The following CAMK2D variants were observed in gnomAD, a reference collection of about 807,000 sequenced individuals.
The protein encoded by CAMK2D is calcium/calmodulin dependent protein kinase II delta.
CAMK2D carries 37 observed loss-of-function variants against 84.0 expected under a neutral mutation model. The ratio of observed to expected loss-of-function variants is 0.44; its 90% CI spans 0.34 to 0.58. The LOEUF is 0.58. Ranked by LOEUF, CAMK2D falls within the 20% of genes least tolerant of loss-of-function variation. The probability of loss-of-function intolerance (pLI) is 0.02; values close to 1 mark genes in which losing one functional copy is unlikely to be tolerated. For missense variants in CAMK2D, 448 were observed against 652.5 expected (o/e 0.69, Z 3.41); for synonymous variants, 202 against 212.5 (o/e 0.95, Z 0.43).
At chr4:113,460,070 A>G in intron 18 of CAMK2D, 77 bp downstream of exon 18, 1 of 842,312 alleles carries the variant, frequency 1.2e-6, no homozygotes, top group Non-Finnish European at 2.1e-6. Context: ...TGTAGAAAAG[A>G]GCAAAATAAT....
At chr4:113,726,983 T>A (rs888585391) in intron 2 of CAMK2D, among the ~76,000 whole-genome samples, 1 of 152,188 alleles carries the variant, frequency 6.6e-6, no homozygotes, top group Non-Finnish European at 1.5e-5. Flanking sequence ...TTCTTAGAAT[T>A]GGTGTTTAAA....
intron 3 of CAMK2D, among the ~76,000 whole-genome samples, chr4:113,621,167 T>A (rs965967588): frequency 2.6e-5 from 4 of 152,192 alleles, no homozygotes; most frequent in Non-Finnish European, 5.9e-5. Context: ...ATATGTCCTG[T>A]ATTTATAGCA....
chr4:113,643,861 A>G (rs2099141598), intron 3 of CAMK2D, among the ~76,000 whole-genome samples: 2 of 152,314 alleles, frequency 1.3e-5, no homozygotes, highest in Middle Eastern at 3.4e-3. Flanking sequence ...GTCATGTTAA[A>G]CTCAAATTAA....
At chr4:113,632,693 C>T (rs2099094967) in intron 3 of CAMK2D, among the ~76,000 whole-genome samples, 1 of 151,960 alleles carries the variant, frequency 6.6e-6, no homozygotes, top group Non-Finnish European at 1.5e-5. Context: ...AGTCATTGTC[C>T]TGTCATACTA....
chr4:113,570,100 A>C (rs1345089243), intron 4 of CAMK2D, among the ~76,000 whole-genome samples: 1 of 152,158 alleles, frequency 6.6e-6, no homozygotes, highest in African/African-American at 2.4e-5. Flanking sequence ...GAATTCTATA[A>C]AACATTGATA....
intron 3 of CAMK2D, among the ~76,000 whole-genome samples, chr4:113,649,027 G>A (rs562761502): frequency 9.2e-5 from 14 of 152,140 alleles, no homozygotes; most frequent in African/African-American, 2.9e-4. Flanking sequence ...CTCTAGTCAC[G>A]CAAACTAGAA....
chr4:113,541,906 C>T (rs1469266939), intron 6 of CAMK2D, among the ~76,000 whole-genome samples: 1 of 152,050 alleles, frequency 6.6e-6, no homozygotes, highest in African/African-American at 2.4e-5. Context: ...CATTTGTATA[C>T]ATGGTACAAG....
intron 2 of CAMK2D, among the ~76,000 whole-genome samples, chr4:113,733,210 T>G (rs927045917): frequency 2.6e-5 from 4 of 152,208 alleles, no homozygotes; most frequent in African/African-American, 9.6e-5. Flanking sequence ...AAAGAACCAT[T>G]TAATGCAGCT....
At chr4:113,583,833 A>T (rs922780259) in intron 4 of CAMK2D, among the ~76,000 whole-genome samples, 1 of 152,170 alleles carries the variant, frequency 6.6e-6, no homozygotes, top group African/African-American at 2.4e-5. Flanking sequence ...GTAGATTAAC[A>T]TCACCTGCAT....
At chr4:113,502,273 T>C (rs2098058683) in intron 15 of CAMK2D, among the ~76,000 whole-genome samples, 1 of 151,990 alleles carries the variant, frequency 6.6e-6, no homozygotes, top group African/African-American at 2.4e-5. Flanking sequence ...AGGAAACATT[T>C]AGTCTTCTTT....
chr4:113,682,680 A>C (rs2099349181), intron 2 of CAMK2D, among the ~76,000 whole-genome samples: 1 of 152,192 alleles, frequency 6.6e-6, no homozygotes, highest in African/African-American at 2.4e-5. Flanking sequence ...AAAATTATGC[A>C]AAAACCTATA....
At chr4:113,614,662 T>A (rs1200867036) in intron 3 of CAMK2D, among the ~76,000 whole-genome samples, 1 of 152,146 alleles carries the variant, frequency 6.6e-6, no homozygotes, top group African/African-American at 2.4e-5. Context: ...AGCACCCAAC[T>A]GACTGAATCC....
At chr4:113,695,356 T>C (rs958170107) in intron 2 of CAMK2D, among the ~76,000 whole-genome samples, 5 of 152,104 alleles carry the variant, frequency 3.3e-5, no homozygotes, top group African/African-American at 1.2e-4. Context: ...AAATTTGACC[T>C]CTCTACTCCT....
At chr4:113,693,121 T>C (rs1053280473) in intron 2 of CAMK2D, among the ~76,000 whole-genome samples, 3 of 152,124 alleles carry the variant, frequency 2.0e-5, no homozygotes, top group Non-Finnish European at 4.4e-5. Flanking sequence ...AGGGATACTG[T>C]CCATAGAATG....
chr4:113,504,921 C>CA (rs5861139), intron 14 of CAMK2D, 55 bp downstream of exon 14: 36,219 of 804,358 alleles, frequency 0.045, 23 homozygotes, highest in East Asian at 0.096. Context: ...AGAGAAACCA[C>CA]AAAAAAAAAA....
At chr4:113,700,969 A>C (rs570724604) in intron 2 of CAMK2D, among the ~76,000 whole-genome samples, 155 of 152,348 alleles carry the variant, frequency 1.0e-3, no homozygotes, top group African/African-American at 3.7e-3. Context: ...ATTTCAACTA[A>C]TAAGGTTTTA....
chr4:113,667,588 G>C (rs1029330253), intron 2 of CAMK2D, among the ~76,000 whole-genome samples: 2 of 152,116 alleles, frequency 1.3e-5, no homozygotes, highest in African/African-American at 4.8e-5. Flanking sequence ...AAAGAATATA[G>C]AATCTATCCA....
chr4:113,605,584 C>T (rs754237590), intron 4 of CAMK2D, among the ~76,000 whole-genome samples: 3 of 152,150 alleles, frequency 2.0e-5, no homozygotes, highest in Non-Finnish European at 4.4e-5. Context: ...TCTCAGTTTA[C>T]AATACCATAC....
In CAMK2D at chr4:113,656,936, C is replaced by T. The variant is rs114276753; in HGVS notation, c.220+4777G>A. Among the ~76,000 whole-genome samples the T allele has an allele frequency of 5.2e-3, 790 of 152,234 alleles. 12 individuals carry two copies. Among genetic ancestry groups the T allele is most frequent in the African/African-American group, 0.017 (718 of 41,552 alleles). ...AAGCCAGCCTAAATGAAGAATCCTA[C>T]GAAGTGATTTCCCACCTTTGATATC... On this transcript the variant is annotated intron_variant, in intron 3 of 20. Coordinates refer to ENST00000511664, the MANE Select transcript of CAMK2D (RefSeq NM_001321571.2).
Sources: gnomAD v4.1 joint callset for allele counts (sites outside exome capture counted in the v4.1 genomes callset) on GRCh38, gnomAD v4.1.1 for gene constraint, MANE v1.5 for transcripts, NCBI Gene and HGNC (gene_info 2026-07-23, HGNC 2026-07-21) for gene names.